Variants in COL23A1 observed in about 807,000 individuals in gnomAD.
The protein encoded by COL23A1 is collagen type XXIII alpha 1 chain, also known as collagen alpha-1(XXIII) chain.
Under a neutral mutation model 99.3 loss-of-function variants are expected in COL23A1, and 97 were observed. The ratio of observed to expected loss-of-function variants is 0.98; its 90% CI spans 0.83 to 1.16. The LOEUF (loss-of-function observed/expected upper bound fraction) is 1.16, where lower values mean the gene tolerates loss of function less well. COL23A1 is among the 50% of genes most tolerant of loss of function. The probability of loss-of-function intolerance (pLI) is 0.00; values close to 1 mark genes in which losing one functional copy is unlikely to be tolerated. For missense variants in COL23A1, 762 were observed against 757.4 expected (o/e 1.01, Z -0.07); for synonymous variants, 320 against 308.2 (o/e 1.04, Z -0.40).
At chr5:178,398,345 A>G (rs1764257266) in intron 2 of COL23A1, among the ~76,000 whole-genome samples, 1 of 152,278 alleles carries the variant, frequency 6.6e-6, no homozygotes, top group Non-Finnish European at 1.5e-5. Context: ...AAAAATTCTC[A>G]GCTGGGCATG....
At chr5:178,266,446 G>GT (rs1561806739) in intron 8 of COL23A1, among the ~76,000 whole-genome samples, 1 of 152,040 alleles carries the variant, frequency 6.6e-6, no homozygotes, top group Non-Finnish European at 1.5e-5. Context: ...CATAGGGAGG[G>GT]TATCCACGAG....
rs1328110459 is a variant in COL23A1, at chr5:178,589,951, C to A, written c.247G>T (p.Ala83Ser). 3 of 1,328,338 alleles carry A rather than the reference C, an allele frequency of 2.3e-6. No individual in the cohort carries two copies. Among genetic ancestry groups the A allele is most frequent in the Non-Finnish European group, 2.9e-6 (3 of 1,046,460 alleles). The allele number at this position is 1,328,338 out of a possible 1,614,324, so 82.3% of individuals were successfully genotyped here. A position where few individuals can be genotyped will look rare whatever the true frequency, so the allele number is the denominator to read the frequency against. The change falls in exon 1 of 29, where the codon GCC becomes TCC. Residue 83 changes from alanine to serine, a missense_variant. Physicochemically the swap from Ala to Ser is moderately conservative, Grantham distance 99 (BLOSUM62 1). Coordinates refer to ENST00000390654, the MANE Select transcript of COL23A1 (RefSeq NM_173465.4). This position sits in a 1 kb window ranked among gnomAD's most constrained non-coding sequence, Gnocchi z 5.4. ...ELLRRAGPPGALDAWAEPHLE... is the reference protein window; with the variant it reads ...ELLRRAGPPGSLDAWAEPHLE... ...TGCGGCTCGGCCCAGGCGTCCAGGGCGCCTGGCGGCCCCGCGCGCCGCAGC... is the reference window on the plus strand; with the variant it reads ...TGCGGCTCGGCCCAGGCGTCCAGGGAGCCTGGCGGCCCCGCGCGCCGCAGC...
chr5:178,400,322 G>T (rs1429698093), intron 2 of COL23A1, among the ~76,000 whole-genome samples: 2 of 139,468 alleles, frequency 1.4e-5, no homozygotes, highest in Admixed American at 1.6e-4. Context: ...AGCCGAGATC[G>T]CGCCACTGCA....
chr5:178,479,500 C>A (rs1267148326), intron 2 of COL23A1, among the ~76,000 whole-genome samples: 1 of 152,212 alleles, frequency 6.6e-6, no homozygotes. Context: ...GTCCACAGCT[C>A]TTTAATACAC....
chr5:178,489,750 A>C (rs1757828261), intron 2 of COL23A1, among the ~76,000 whole-genome samples: 1 of 152,216 alleles, frequency 6.6e-6, no homozygotes, highest in Non-Finnish European at 1.5e-5. Context: ...CACGGGATGC[A>C]GCAATTCCGC....
chr5:178,279,632 G>A lies in COL23A1; in HGVS notation c.441+8692C>T, dbSNP rs560155003. 5.3e-5 allele frequency among the ~76,000 whole-genome samples: 8 copies of A among 152,186 alleles called. No homozygotes were observed. The South Asian group carries it at 8.3e-4, about 16-fold the overall frequency. On this transcript the variant is annotated intron_variant, in intron 5 of 28. Coordinates refer to ENST00000390654, the MANE Select transcript of COL23A1 (RefSeq NM_173465.4). ...TGTGGGCCCCTTTGTCCAGCCACCCGGGGTGGAACTCCAGAGTGGACAAGA... is the reference window on the plus strand; with the variant it reads ...TGTGGGCCCCTTTGTCCAGCCACCCAGGGTGGAACTCCAGAGTGGACAAGA...
chr5:178,331,916 C>T (rs1018856928), intron 2 of COL23A1, among the ~76,000 whole-genome samples: 4 of 152,240 alleles, frequency 2.6e-5, no homozygotes, highest in African/African-American at 9.6e-5. Flanking sequence ...AGCAAAGCCA[C>T]TTGGCTAGAG....
At chr5:178,541,976 G>A (rs1485250880) in intron 2 of COL23A1, among the ~76,000 whole-genome samples, 1 of 152,218 alleles carries the variant, frequency 6.6e-6, no homozygotes, top group Non-Finnish European at 1.5e-5. Flanking sequence ...GGACACAGGT[G>A]TGAGCTGCAA....
rs73804802 is a variant in COL23A1 at position 178,332,590 on chromosome 5, C to T, written c.362-25671G>A. On this transcript the variant is annotated intron_variant, in intron 2 of 28. Transcript: ENST00000390654. ...GACTCCCTGGCAGGGCTTCAAACTCCGCTGCCTACAGGGATACACAGGTTA... is the reference window on the plus strand; with the variant it reads ...GACTCCCTGGCAGGGCTTCAAACTCTGCTGCCTACAGGGATACACAGGTTA... 1.8e-3 allele frequency among the ~76,000 whole-genome samples: 281 copies of T among 152,252 alleles called. 2 individuals carry two copies. Among genetic ancestry groups the T allele is most frequent in the African/African-American group, 6.5e-3 (269 of 41,552 alleles).
intron 2 of COL23A1, among the ~76,000 whole-genome samples, chr5:178,311,487 TGTGTGTGTGTGTGTGTGTGCGC>T (rs55768816): frequency 0.66 from 90,151 of 136,584 alleles, 28,613 homozygotes; most frequent in Non-Finnish European, 0.74. Context: ...CTTTCCTCTG[TGTGTGTGTGTGTGTGTGTGCGC>T]GTGTGTGTGT....
chr5:178,421,978 G>A (rs961092052), intron 2 of COL23A1, among the ~76,000 whole-genome samples: 1 of 152,176 alleles, frequency 6.6e-6, no homozygotes, highest in African/African-American at 2.4e-5. Flanking sequence ...TGCCCAGGGG[G>A]CCTCCCAGCC....
intron 2 of COL23A1, among the ~76,000 whole-genome samples, chr5:178,536,227 G>A (rs763083754): frequency 3.9e-5 from 6 of 152,228 alleles, no homozygotes; most frequent in Non-Finnish European, 5.9e-5. Flanking sequence ...AGGGGTGCTC[G>A]GGGAGTGTGG....
At position 178,309,301 on chromosome 5, in the gene COL23A1, T is replaced by C. The variant is rs1259413254; in HGVS notation, c.362-2382A>G. Among the ~76,000 whole-genome samples the C allele has an allele frequency of 1.3e-5, 2 of 151,952 alleles. No homozygotes were observed. The highest frequency in any genetic ancestry group is 2.9e-5 in the Non-Finnish European group (2 of 67,936). On this transcript the variant is annotated intron_variant, in intron 2 of 28. Coordinates refer to ENST00000390654, the MANE Select transcript of COL23A1 (RefSeq NM_173465.4). The surrounding 1 kb of genome is among the most constrained non-coding windows in gnomAD (Gnocchi z 4.7). ...AGGGTGGGCAGCTGCCCAGGCAGGGTAGGGTGCCTGCCTCCCAGGGTCACT... is the reference window on the plus strand; with the variant it reads ...AGGGTGGGCAGCTGCCCAGGCAGGGCAGGGTGCCTGCCTCCCAGGGTCACT...
chr5:178,285,270 C>T (rs987663861), intron 5 of COL23A1, among the ~76,000 whole-genome samples: 6 of 152,180 alleles, frequency 3.9e-5, no homozygotes, highest in African/African-American at 1.4e-4. Flanking sequence ...ACAGTCTCCA[C>T]CACCAGAGTC....
At chr5:178,540,166 A>C (rs1426040571) in intron 2 of COL23A1, among the ~76,000 whole-genome samples, 2 of 152,048 alleles carry the variant, frequency 1.3e-5, no homozygotes, top group Non-Finnish European at 2.9e-5. Flanking sequence ...TGAAGGTCTT[A>C]GACAATCAAT....
intron 2 of COL23A1, among the ~76,000 whole-genome samples, chr5:178,424,611 G>A (rs1410065460): frequency 6.6e-6 from 1 of 152,198 alleles, no homozygotes; most frequent in East Asian, 1.9e-4. Context: ...AAGGGCAGTT[G>A]TAGTCATTCG....
At chr5:178,353,603 A>G (rs1761453332) in intron 2 of COL23A1, among the ~76,000 whole-genome samples, 1 of 152,008 alleles carries the variant, frequency 6.6e-6, no homozygotes, top group South Asian at 2.1e-4. Context: ...ATCGCAAATG[A>G]CCTCTTCCCT....
At chr5:178,510,679 A>T (rs1759153907) in intron 2 of COL23A1, among the ~76,000 whole-genome samples, 3 of 21,872 alleles carry the variant, frequency 1.4e-4, no homozygotes, top group Non-Finnish European at 5.5e-4. Flanking sequence ...ATAATAAAAT[A>T]AAAAATAAAA....
Position 178,524,121 on chromosome 5 carries a change from GA to G in COL23A1, c.361+36560del, listed in dbSNP as rs529937422. On this transcript the variant is annotated intron_variant, in intron 2 of 28. Transcript: ENST00000390654. ...GTCACGCTAGCTTAAATAACAAAGA[GA>G]ACGTACTGCCCCTCTTGACTGAAAA... is the stretch of plus-strand genomic sequence containing the variant. Among the ~76,000 whole-genome samples the G allele has an allele frequency of 2.0e-5, 3 of 152,296 alleles. No homozygotes were observed. In the South Asian group the frequency reaches 6.2e-4, roughly 32 times the overall value.
Sources: allele counts gnomAD v4.1 joint callset (sites outside exome capture counted in the v4.1 genomes callset), GRCh38; gene constraint gnomAD v4.1.1; non-coding constraint Gnocchi (gnomAD v3.1); transcripts MANE v1.5; gene names NCBI Gene and HGNC (gene_info 2026-07-23, HGNC 2026-07-21).